Variants in ANP32A observed in about 807,000 individuals in gnomAD.
ANP32A encodes the protein acidic leucine-rich nuclear phosphoprotein 32 family member A.
A neutral mutation model predicts 33.9 loss-of-function variants in ANP32A; 1 was observed. That is an observed-to-expected ratio of 0.03 (90% CI 0.01 to 0.14). The LOEUF is 0.14. ANP32A is among the 10% of genes least tolerant of loss of function. The pLI, the probability that ANP32A is intolerant of heterozygous loss-of-function variation, is 1.00. For synonymous variants in ANP32A, 115 were observed against 120.5 expected (o/e 0.95, Z 0.30); for missense variants, 155 against 306.0 (o/e 0.51, Z 3.68).
At chr15:68,792,826 T>G (rs1894015232) in intron 1 of ANP32A, among the ~76,000 whole-genome samples, 1 of 152,216 alleles carries the variant, frequency 6.6e-6, no homozygotes, top group Non-Finnish European at 1.5e-5. Flanking sequence ...GCCTCAGGCT[T>G]CTGCCTCTGT....
chr15:68,806,233 GT>G (rs1207306979), intron 1 of ANP32A, among the ~76,000 whole-genome samples: 1 of 152,154 alleles, frequency 6.6e-6, no homozygotes, highest in East Asian at 1.9e-4. Flanking sequence ...TACAAGTCTG[GT>G]TTCTGGTACA....
At chr15:68,793,112 C>T (rs1427364933) in intron 1 of ANP32A, among the ~76,000 whole-genome samples, 1 of 152,114 alleles carries the variant, frequency 6.6e-6, no homozygotes, top group Admixed American at 6.5e-5. Context: ...ATCATTTACT[C>T]GTGTATTAAG....
intron 1 of ANP32A, among the ~76,000 whole-genome samples, chr15:68,820,185 C>A (rs1894452071): frequency 6.6e-6 from 1 of 151,696 alleles, no homozygotes; most frequent in Non-Finnish European, 1.5e-5. Flanking sequence ...ATTGTGTGTG[C>A]GAGCGAGCGA....
Position 68,780,062 on chromosome 15 carries a change from T to C in ANP32A, c.*19A>G. On this transcript the variant is annotated 3_prime_UTR_variant, in exon 7 of 7. Coordinates refer to ENST00000465139, the MANE Select transcript of ANP32A (RefSeq NM_006305.4). This position sits in a 1 kb window ranked among gnomAD's most constrained non-coding sequence, Gnocchi z 4.3. Reference sequence around the variant, plus strand: ...ACAGTCAAATCACAATAGGAATTTTTCAAAATAGGTTATTCCACTTAGTCA... The same window carrying C: ...ACAGTCAAATCACAATAGGAATTTTCCAAAATAGGTTATTCCACTTAGTCA... 1 of 1,612,662 alleles carries C rather than the reference T, an allele frequency of 6.2e-7. No homozygotes were observed. Among genetic ancestry groups the C allele is most frequent in the African/African-American group, 1.3e-5 (1 of 74,934 alleles).
rs907452267 is a variant in ANP32A at position 68,784,712 on chromosome 15, G to A, written c.328-117C>T. On this transcript the variant is annotated intron_variant, in intron 3 of 6. Transcript: ENST00000465139. ...AGCATGCGCAGACCATGACTTCCAG[G>A]TGATAAGGAAGCTTGGATTTGGCTC... is the stretch of plus-strand genomic sequence containing the variant. 12 of 1,195,294 alleles carry A rather than the reference G, an allele frequency of 1.0e-5. No homozygotes were observed. In the East Asian group the frequency reaches 2.9e-4, roughly 29 times the overall value. 74.0% of individuals were successfully genotyped at this position (1,195,294 alleles called of 1,614,324 possible).
rs769349787 is a variant in ANP32A at position 68,787,934 on chromosome 15, G to A, written c.55-15C>T. ...AGTTCTTTCACCTGAAAGAAGGCCC[G>A]ACCGTGTGAGCGGGGCTGAGGAATG... On this transcript the variant is annotated splice_polypyrimidine_tract_variant and intron_variant, in intron 1 of 6. Coordinates refer to ENST00000465139, the MANE Select transcript of ANP32A (RefSeq NM_006305.4). 12 of 1,613,884 alleles carry A rather than the reference G, an allele frequency of 7.4e-6. No homozygotes were observed. Among genetic ancestry groups the A allele is most frequent in the African/African-American group, 6.7e-5 (5 of 74,908 alleles).
chr15:68,784,812 G>A (rs1010634794), intron 3 of ANP32A, among the ~76,000 whole-genome samples: 3 of 152,156 alleles, frequency 2.0e-5, no homozygotes. Flanking sequence ...GGAAAATGGG[G>A]GGTTGGACTG....
chr15:68,788,492 A>AC (rs1893961327), intron 1 of ANP32A, among the ~76,000 whole-genome samples: 3 of 151,926 alleles, frequency 2.0e-5, no homozygotes, highest in Non-Finnish European at 4.4e-5. Flanking sequence ...CAGCTCTCCC[A>AC]CCTCTAGCCC....
chr15:68,791,537 G>A (rs966987888), intron 1 of ANP32A: 2 of 152,750 alleles, frequency 1.3e-5, no homozygotes, highest in African/African-American at 2.4e-5. Context: ...CCAAAGCACA[G>A]AGCCTAACCC....
At chr15:68,798,934 C>T (rs1340504806) in intron 1 of ANP32A, among the ~76,000 whole-genome samples, 1 of 152,204 alleles carries the variant, frequency 6.6e-6, no homozygotes, top group Admixed American at 6.5e-5. Flanking sequence ...TGGGAAATCG[C>T]TGATTTGGGC....
chr15:68,783,989 C>G (rs1157666727), intron 4 of ANP32A, among the ~76,000 whole-genome samples: 3 of 152,194 alleles, frequency 2.0e-5, no homozygotes, highest in Admixed American at 2.0e-4. Flanking sequence ...CCCTCCCTCC[C>G]TGGGAGAGTG....
chr15:68,787,951 T>C, intron 1 of ANP32A, 32 bp from the exon 2 acceptor site: 1 of 1,613,590 alleles, frequency 6.2e-7, no homozygotes, highest in Non-Finnish European at 8.5e-7. Flanking sequence ...TGAGCGGGGC[T>C]GAGGAATGGG....
chr15:68,792,700 G>C (rs1894013112), intron 1 of ANP32A, among the ~76,000 whole-genome samples: 1 of 152,114 alleles, frequency 6.6e-6, no homozygotes, highest in South Asian at 2.1e-4. Context: ...CTCCACACCA[G>C]GTCTCTATGA....
At chr15:68,817,894 A>C in intron 1 of ANP32A, among the ~76,000 whole-genome samples, 3 of 151,698 alleles carry the variant, frequency 2.0e-5, no homozygotes, top group East Asian at 1.9e-4. Context: ...CGCCCCCCAC[A>C]GCGACAACAG....
chr15:68,787,589 C>T lies in ANP32A; in HGVS notation c.205-54G>A, dbSNP rs146960367. The T allele has an allele frequency of 7.7e-4, 1,248 of 1,611,772 alleles. 8 individuals carry two copies. The African/African-American group carries it at 0.014, about 18-fold the overall frequency. ...AAACAGCTTTTAAAATGAAGGCTAC[C>T]GGCTCAGAGCTGCCCGGCTTTCCCC... On this transcript the variant is annotated intron_variant, in intron 2 of 6. Coordinates refer to ENST00000465139, the MANE Select transcript of ANP32A (RefSeq NM_006305.4).
chr15:68,783,858 G>A (rs781708976), intron 4 of ANP32A, among the ~76,000 whole-genome samples: 4 of 152,158 alleles, frequency 2.6e-5, no homozygotes, highest in Admixed American at 2.0e-4. Flanking sequence ...GTGTGGGGCT[G>A]TAGGCTGCAA....
At chr15:68,805,840 A>T (rs1414180366) in intron 1 of ANP32A, among the ~76,000 whole-genome samples, 5 of 152,172 alleles carry the variant, frequency 3.3e-5, no homozygotes, top group Admixed American at 6.5e-5. Flanking sequence ...ACCAGCAGCC[A>T]TGCCTTTGCT....
chr15:68,798,084 T>C (rs1040865195), intron 1 of ANP32A, among the ~76,000 whole-genome samples: 1 of 152,230 alleles, frequency 6.6e-6, no homozygotes. Context: ...TTCTGGCTGC[T>C]GAAATCAGAT....
intron 1 of ANP32A, among the ~76,000 whole-genome samples, chr15:68,808,012 T>C (rs1040266583): frequency 1.3e-5 from 2 of 152,138 alleles, no homozygotes; most frequent in Non-Finnish European, 2.9e-5. Context: ...GTGTGAACAA[T>C]CCCATGGTGG....
Sources: allele counts gnomAD v4.1 joint callset (sites outside exome capture counted in the v4.1 genomes callset), GRCh38; gene constraint gnomAD v4.1.1; non-coding constraint Gnocchi (gnomAD v3.1); transcripts MANE v1.5; gene names NCBI Gene and HGNC (gene_info 2026-07-23, HGNC 2026-07-21).